Variants in THSD7B observed in about 807,000 individuals in gnomAD.
The protein encoded by THSD7B is thrombospondin type-1 domain-containing protein 7B.
In THSD7B, 138 loss-of-function variants were observed where a neutral mutation model predicts 213.6. That is an observed-to-expected ratio of 0.65 (90% CI 0.56 to 0.74). The LOEUF (loss-of-function observed/expected upper bound fraction) is 0.74, where lower values mean the gene tolerates loss of function less well. Among genes scored for constraint, THSD7B ranks in the 30% least tolerant of loss-of-function variants. The pLI is 0.00. For missense variants in THSD7B, 1,931 were observed against 1,991.5 expected (o/e 0.97, Z 0.58); for synonymous variants, 742 against 687.0 (o/e 1.08, Z -1.25).
intron 16 of THSD7B, among the ~76,000 whole-genome samples, chr2:137,565,920 T>C (rs1681227899): frequency 6.6e-6 from 1 of 152,188 alleles, no homozygotes; most frequent in African/African-American, 2.4e-5. Context: ...ATGTGAAATC[T>C]GGGGAACACA....
At chr2:137,118,294 G>T (rs953664928) in intron 5 of THSD7B, among the ~76,000 whole-genome samples, 2 of 152,112 alleles carry the variant, frequency 1.3e-5, no homozygotes, top group African/African-American at 4.8e-5. Context: ...CACTCAGTTT[G>T]CATTCCACAG....
chr2:137,588,485 T>G (rs973493809), intron 17 of THSD7B, among the ~76,000 whole-genome samples: 11 of 151,900 alleles, frequency 7.2e-5, no homozygotes, highest in Admixed American at 6.6e-4. Context: ...TTCAGTGTTT[T>G]TTTTTTTTTC....
chr2:137,074,795 T>C (rs1687582027), intron 3 of THSD7B, among the ~76,000 whole-genome samples: 4 of 152,214 alleles, frequency 2.6e-5, no homozygotes, highest in Non-Finnish European at 4.4e-5. Flanking sequence ...TGACAAAATC[T>C]CTCAGCATTT....
At chr2:136,936,574 G>A (rs1282390619) in intron 2 of THSD7B, among the ~76,000 whole-genome samples, 2 of 152,126 alleles carry the variant, frequency 1.3e-5, no homozygotes, top group Non-Finnish European at 2.9e-5. Flanking sequence ...TCAGGAATGG[G>A]AAACCAAACA....
chr2:137,101,033 C>T (rs958991387), intron 4 of THSD7B, among the ~76,000 whole-genome samples: 1 of 152,086 alleles, frequency 6.6e-6, no homozygotes, highest in East Asian at 1.9e-4. Context: ...TATTAGTTTT[C>T]TTTTTGTTGT....
At chr2:137,074,006 T>C (rs1233816153) in intron 3 of THSD7B, among the ~76,000 whole-genome samples, 1 of 152,102 alleles carries the variant, frequency 6.6e-6, no homozygotes, top group Non-Finnish European at 1.5e-5. Context: ...TACTTCCAAC[T>C]ATGTGGTCAA....
intron 3 of THSD7B, among the ~76,000 whole-genome samples, chr2:137,072,992 T>G (rs1340190774): frequency 6.6e-6 from 1 of 152,202 alleles, no homozygotes; most frequent in Non-Finnish European, 1.5e-5. Flanking sequence ...GATGTGCTGC[T>G]GGATTCAGTT....
chr2:136,922,693 A>G (rs1684455461), intron 2 of THSD7B, among the ~76,000 whole-genome samples: 1 of 152,204 alleles, frequency 6.6e-6, no homozygotes, highest in African/African-American at 2.4e-5. Flanking sequence ...ACAGAATAAT[A>G]TATTTCTCTA....
chr2:137,410,605 GCAGACCATAGAGCCAATCATCC>G (rs1179882939), intron 13 of THSD7B, among the ~76,000 whole-genome samples: 1 of 151,996 alleles, frequency 6.6e-6, no homozygotes, highest in African/African-American at 2.4e-5. Context: ...AAGCATCATG[GCAGACCATAGAGCCAATCATCC>G]CATCAGCAAC....
chr2:137,235,493 A>G (rs1398923077), intron 9 of THSD7B, among the ~76,000 whole-genome samples: 1 of 152,186 alleles, frequency 6.6e-6, no homozygotes, highest in African/African-American at 2.4e-5. Context: ...ATAAATTATC[A>G]TCATATTTTA....
intron 2 of THSD7B, among the ~76,000 whole-genome samples, chr2:136,910,137 A>G (rs1017063348): frequency 6.6e-6 from 1 of 152,140 alleles, no homozygotes; most frequent in African/African-American, 2.4e-5. Context: ...TCCTCAGTCT[A>G]TGGAGTAACT....
intron 15 of THSD7B, among the ~76,000 whole-genome samples, chr2:137,539,729 C>A (rs966369869): frequency 1.3e-5 from 2 of 151,610 alleles, no homozygotes; most frequent in Non-Finnish European, 3.0e-5. Context: ...AAAATAATGA[C>A]TTATTGCTAA....
intron 17 of THSD7B, among the ~76,000 whole-genome samples, chr2:137,613,903 CACTA>C (rs1682333119): frequency 6.6e-6 from 1 of 152,028 alleles, no homozygotes; most frequent in African/African-American, 2.4e-5. Context: ...AGGATAAAAA[CACTA>C]ACATTAAACT....
chr2:137,412,811 C>T (rs977057170), intron 14 of THSD7B, among the ~76,000 whole-genome samples: 1 of 147,868 alleles, frequency 6.8e-6, no homozygotes, highest in African/African-American at 2.6e-5. Flanking sequence ...TTAAATACAG[C>T]TGGGGTGAAA....
chr2:137,675,682 C>A (rs1478201082), intron 27 of THSD7B, among the ~76,000 whole-genome samples: 1 of 151,832 alleles, frequency 6.6e-6, no homozygotes. Context: ...ATCGAATAAG[C>A]AATAGATGCT....
At chr2:136,971,842 G>A (rs1685410372) in intron 2 of THSD7B, among the ~76,000 whole-genome samples, 1 of 151,978 alleles carries the variant, frequency 6.6e-6, no homozygotes, top group Admixed American at 6.6e-5. Flanking sequence ...TCGAGATAGG[G>A]AAGCTACAGC....
intron 17 of THSD7B, among the ~76,000 whole-genome samples, chr2:137,613,025 G>A (rs1004726889): frequency 5.3e-5 from 8 of 152,018 alleles, no homozygotes; most frequent in Non-Finnish European, 1.0e-4. Flanking sequence ...AGTAAATTCT[G>A]CCCTGATGTC....
chr2:137,590,024 ATT>A (rs11302837), intron 17 of THSD7B, among the ~76,000 whole-genome samples: 19,397 of 150,990 alleles, frequency 0.13, 1,390 homozygotes, highest in South Asian at 0.22. Flanking sequence ...TTTTAAGTTC[ATT>A]TTTTTTTTCT....
At chr2:137,499,061 G>A (rs1285103189) in intron 15 of THSD7B, among the ~76,000 whole-genome samples, 1 of 152,088 alleles carries the variant, frequency 6.6e-6, no homozygotes, top group Non-Finnish European at 1.5e-5. Context: ...GGCATCTTTG[G>A]GCCCCTGTTC....
Sources: gnomAD v4.1 joint callset for allele counts (sites outside exome capture counted in the v4.1 genomes callset) on GRCh38, gnomAD v4.1.1 for gene constraint, MANE v1.5 for transcripts, NCBI Gene and HGNC (gene_info 2026-07-23, HGNC 2026-07-21) for gene names.